DPYD: variants seen among roughly 807,000 people sequenced by gnomAD.
DPYD encodes dihydropyrimidine dehydrogenase, also known as dihydropyrimidine dehydrogenase [NADP(+)].
In DPYD, 109 loss-of-function variants were observed where a neutral mutation model predicts 116.2. The ratio of observed to expected loss-of-function variants is 0.94; its 90% CI spans 0.80 to 1.10. DPYD has a LOEUF of 1.10. DPYD is among the 50% of genes least tolerant of loss of function. DPYD has a pLI of 0.00. For missense variants in DPYD, 1,302 were observed against 1,254.5 expected (o/e 1.04, Z -0.57); for synonymous variants, 440 against 432.0 (o/e 1.02, Z -0.23).
chr1:97,836,938 A>T (rs1669797943), intron 2 of DPYD, among the ~76,000 whole-genome samples: 1 of 152,156 alleles, frequency 6.6e-6, no homozygotes, highest in African/African-American at 2.4e-5. Flanking sequence ...AATAGTATTC[A>T]TGATCATTTA....
At chr1:97,866,674 T>C (rs1364151859) in intron 2 of DPYD, among the ~76,000 whole-genome samples, 1 of 151,828 alleles carries the variant, frequency 6.6e-6, no homozygotes, top group Non-Finnish European at 1.5e-5. Flanking sequence ...AAATAAAATG[T>C]AGTCAGGAGT....
At chr1:97,090,551 C>A (rs1649830990) in intron 21 of DPYD, among the ~76,000 whole-genome samples, 1 of 152,126 alleles carries the variant, frequency 6.6e-6, no homozygotes, top group Non-Finnish European at 1.5e-5. Context: ...TATTAAACTC[C>A]ATTTTAAATA....
chr1:97,287,365 C>A (rs1461217043), intron 18 of DPYD, among the ~76,000 whole-genome samples: 1 of 152,120 alleles, frequency 6.6e-6, no homozygotes, highest in Non-Finnish European at 1.5e-5. Flanking sequence ...TTAGGCTGCT[C>A]GGGGGTCAGG....
chr1:97,382,990 T>C (rs1672064791), intron 14 of DPYD, among the ~76,000 whole-genome samples: 1 of 152,210 alleles, frequency 6.6e-6, no homozygotes, highest in African/African-American at 2.4e-5. Flanking sequence ...TATTATGTAT[T>C]GATTATTTAA....
chr1:97,820,460 T>G (rs1282823985), intron 3 of DPYD, among the ~76,000 whole-genome samples: 1 of 152,160 alleles, frequency 6.6e-6, no homozygotes, highest in Non-Finnish European at 1.5e-5. Context: ...TTAAAGCAAT[T>G]TTAACCTTTT....
At chr1:97,710,357 C>T (rs2100999818) in intron 5 of DPYD, among the ~76,000 whole-genome samples, 1 of 151,876 alleles carries the variant, frequency 6.6e-6, no homozygotes, top group East Asian at 1.9e-4. Context: ...AAAGGAAATA[C>T]TGAGTACATA....
chr1:97,815,087 A>AAAGAG (rs1226544915), intron 3 of DPYD, among the ~76,000 whole-genome samples: 1 of 9,356 alleles, frequency 1.1e-4, no homozygotes, highest in Non-Finnish European at 3.0e-4. Context: ...AGAAGAAAGA[A>AAAGAG]AAGAGAAGAG....
intron 14 of DPYD, among the ~76,000 whole-genome samples, chr1:97,421,606 A>C (rs1421986358): frequency 6.6e-6 from 1 of 152,174 alleles, no homozygotes; most frequent in East Asian, 1.9e-4. Context: ...TGTTGGAAGA[A>C]TGTATTGTAT....
intron 6 of DPYD, among the ~76,000 whole-genome samples, chr1:97,698,617 T>C (rs560277739): frequency 6.6e-6 from 1 of 152,056 alleles, no homozygotes; most frequent in East Asian, 1.9e-4. Flanking sequence ...TCCATGATTT[T>C]TTTGATAATA....
intron 16 of DPYD, among the ~76,000 whole-genome samples, chr1:97,349,661 G>A (rs980497347): frequency 5.3e-5 from 8 of 152,056 alleles, no homozygotes; most frequent in Non-Finnish European, 8.8e-5. Flanking sequence ...CCATGTCCCT[G>A]CAAAGGACAT....
chr1:97,324,354 C>T (rs1558031824), intron 16 of DPYD, among the ~76,000 whole-genome samples: 1 of 152,016 alleles, frequency 6.6e-6, no homozygotes, highest in African/African-American at 2.4e-5. Flanking sequence ...ATCACACTTC[C>T]TGACAAGTTG....
chr1:97,230,323 G>A (rs1464312519), intron 19 of DPYD, among the ~76,000 whole-genome samples: 1 of 152,202 alleles, frequency 6.6e-6, no homozygotes, highest in East Asian at 1.9e-4. Context: ...ATGAGATCAT[G>A]TCATTTGCAG....
chr1:97,191,104 AAGC>A (rs34754458), intron 20 of DPYD, among the ~76,000 whole-genome samples: 97,801 of 151,402 alleles, frequency 0.65, 31,976 homozygotes, highest in East Asian at 0.99. Flanking sequence ...ACACACACAA[AAGC>A]AGCAGCAACA....
At chr1:97,396,574 A>G (rs1557683347) in intron 14 of DPYD, among the ~76,000 whole-genome samples, 1 of 152,050 alleles carries the variant, frequency 6.6e-6, no homozygotes, top group Non-Finnish European at 1.5e-5. Context: ...ATGAGTGAGC[A>G]GGAACCAATG....
chr1:97,454,777 A>G (rs925340466), intron 13 of DPYD, among the ~76,000 whole-genome samples: 14 of 151,900 alleles, frequency 9.2e-5, no homozygotes, highest in African/African-American at 3.1e-4. Context: ...TGATGTTTCT[A>G]TGGTTACTAC....
intron 3 of DPYD, among the ~76,000 whole-genome samples, chr1:97,785,722 T>G (rs1666981893): frequency 7.7e-6 from 1 of 129,120 alleles, no homozygotes; most frequent in South Asian, 2.7e-4. Context: ...AGACGGAGTC[T>G]CGCTCTGTCA....
intron 9 of DPYD, 25 bp from the exon 10 acceptor site, chr1:97,593,412 T>C: frequency 1.2e-6 from 2 of 1,613,176 alleles, no homozygotes; most frequent in Non-Finnish European, 1.7e-6. Context: ...GAAAACCCCA[T>C]TTTCAAGTAG....
chr1:97,237,679 C>G (rs891317560), intron 18 of DPYD, among the ~76,000 whole-genome samples: 1 of 152,046 alleles, frequency 6.6e-6, no homozygotes, highest in African/African-American at 2.4e-5. Flanking sequence ...ATCTACATAA[C>G]AAAAGTTAAA....
rs146940853 is a variant in DPYD at position 97,336,984 on chromosome 1, C to T, written c.2059-30687G>A. 1.4e-4 allele frequency among the ~76,000 whole-genome samples: 22 copies of T among 152,172 alleles called. No individual in the cohort carries two copies. In the East Asian group the frequency reaches 2.7e-3, roughly 19 times the overall value. On this transcript the variant is annotated intron_variant, in intron 16 of 22. Coordinates refer to ENST00000370192, the MANE Select transcript of DPYD (RefSeq NM_000110.4). ...ATGAAAAGGGAGATGATTGTGAAAA[C>T]GTGACTGGTGACACTTCTGATAGTG...
Sources: allele counts gnomAD v4.1 joint callset (sites outside exome capture counted in the v4.1 genomes callset), GRCh38; gene constraint gnomAD v4.1.1; transcripts MANE v1.5; gene names NCBI Gene and HGNC (gene_info 2026-07-23, HGNC 2026-07-21).